Variants in CYYR1 observed in about 807,000 individuals in gnomAD.
The protein encoded by CYYR1 is cysteine and tyrosine-rich protein 1.
Under a neutral mutation model 15.2 loss-of-function variants are expected in CYYR1, and 14 were observed. The observed-to-expected ratio is 0.92, with a 90% CI of 0.61 to 1.44. The LOEUF is 1.44. Ranked by LOEUF, CYYR1 falls within the 40% of genes most tolerant of loss-of-function variation. The probability of loss-of-function intolerance (pLI) is 0.00; values close to 1 mark genes in which losing one functional copy is unlikely to be tolerated. For missense variants in CYYR1, 228 were observed against 209.5 expected, an observed-to-expected ratio of 1.09 and a Z score of -0.54; for synonymous variants, 80 against 77.4, an observed-to-expected ratio of 1.03 and a Z score of -0.18.
At chr21:26,520,111 G>T (rs2065782831) in intron 2 of CYYR1, among the ~76,000 whole-genome samples, 7 of 83,130 alleles carry the variant, frequency 8.4e-5, no homozygotes, top group African/African-American at 1.6e-4. Flanking sequence ...AAAAACCCAG[G>T]AGATATATAT....
intron 2 of CYYR1, among the ~76,000 whole-genome samples, chr21:26,491,359 A>G (rs1438313318): frequency 6.6e-6 from 1 of 152,148 alleles, no homozygotes; most frequent in Admixed American, 6.5e-5. Context: ...GAGTGGAAAT[A>G]AAAACTCACA....
At position 26,480,163 on chromosome 21, in the gene CYYR1, A is replaced by G. The variant is rs2065155151; in HGVS notation, c.334+109T>C. 4 of 1,116,734 alleles carry G rather than the reference A, an allele frequency of 3.6e-6. No individual in the cohort carries two copies. In the South Asian group the frequency reaches 5.3e-5, roughly 15 times the overall value. 69.2% of individuals were successfully genotyped at this position (1,116,734 alleles called of 1,614,324 possible). A position where few individuals can be genotyped will look rare whatever the true frequency, so the allele number is the denominator to read the frequency against. On this transcript the variant is annotated intron_variant, in intron 3 of 3. Transcript: ENST00000652641. ...ATCTACATGTACCTAGAAATACTCT[A>G]TGAAATTGAAGGTGGTTTCATTGAC...
At chr21:26,567,560 A>T (rs1652548560) in intron 1 of CYYR1, among the ~76,000 whole-genome samples, 1 of 152,190 alleles carries the variant, frequency 6.6e-6, no homozygotes, top group African/African-American at 2.4e-5. Flanking sequence ...TATGATGGAT[A>T]TATAAGTTTC....
chr21:26,529,344 CTATAAATTACCTTT>C (rs1341532098), intron 2 of CYYR1, among the ~76,000 whole-genome samples: 1 of 151,734 alleles, frequency 6.6e-6, no homozygotes, highest in Non-Finnish European at 1.5e-5. Context: ...GATAAACTGG[CTATAAATTACCTTT>C]TATAAACAGA....
intron 2 of CYYR1, among the ~76,000 whole-genome samples, chr21:26,493,810 A>C (rs1015745007): frequency 5.3e-5 from 8 of 152,162 alleles, no homozygotes; most frequent in Non-Finnish European, 8.8e-5. Flanking sequence ...TACTGGTCTG[A>C]CTTTAACCAC....
At chr21:26,483,412 C>CA (rs10533983) in intron 2 of CYYR1, 19,459 of 895,060 alleles carry the variant, frequency 0.022, 40 homozygotes, top group Middle Eastern at 0.026. Flanking sequence ...TCTCTCCTAT[C>CA]AAAAAAAAAA....
intron 3 of CYYR1, among the ~76,000 whole-genome samples, chr21:26,476,118 G>A (rs1390911077): frequency 1.3e-5 from 2 of 152,106 alleles, no homozygotes; most frequent in Admixed American, 1.3e-4. Flanking sequence ...TGATGCAAAT[G>A]GGGTATTTAT....
intron 3 of CYYR1, among the ~76,000 whole-genome samples, chr21:26,470,378 C>A (rs535323539): frequency 2.0e-5 from 3 of 152,198 alleles, no homozygotes; most frequent in Admixed American, 2.0e-4. Context: ...GGCTCTGTGT[C>A]CCCACCCAAA....
chr21:26,511,397 T>G (rs932953912), intron 2 of CYYR1, among the ~76,000 whole-genome samples: 2 of 152,226 alleles, frequency 1.3e-5, no homozygotes, highest in African/African-American at 2.4e-5. Context: ...GGAATTTTCC[T>G]GCCTAGTCAT....
At chr21:26,480,567 T>TC (rs2065165189) in intron 2 of CYYR1, 138 bp from the exon 3 acceptor site, 3 of 876,248 alleles carry the variant, frequency 3.4e-6, no homozygotes, top group Admixed American at 3.6e-5. Flanking sequence ...TTTCTTTTCT[T>TC]TTTTTTTTTA....
At chr21:26,538,945 T>C (rs910798557) in intron 2 of CYYR1, among the ~76,000 whole-genome samples, 4 of 152,192 alleles carry the variant, frequency 2.6e-5, no homozygotes, top group African/African-American at 9.6e-5. Flanking sequence ...CACCACCTAA[T>C]AAACTTTAGA....
intron 2 of CYYR1, among the ~76,000 whole-genome samples, chr21:26,560,518 G>C (rs1424825581): frequency 2.0e-5 from 3 of 152,220 alleles, no homozygotes; most frequent in Non-Finnish European, 4.4e-5. Context: ...TTAAAGGCAA[G>C]GGTTATAACA....
chr21:26,544,388 G>T (rs978689365), intron 2 of CYYR1, among the ~76,000 whole-genome samples: 1 of 152,132 alleles, frequency 6.6e-6, no homozygotes, highest in African/African-American at 2.4e-5. Flanking sequence ...AACAGAAATC[G>T]TAAAATAAGA....
chr21:26,483,590 C>T (rs561915026), intron 2 of CYYR1, among the ~76,000 whole-genome samples: 2 of 152,066 alleles, frequency 1.3e-5, no homozygotes, highest in Non-Finnish European at 2.9e-5. Flanking sequence ...GAGCATCAGC[C>T]TCACTGCCAA....
chr21:26,541,603 A>G (rs574679870), intron 2 of CYYR1, among the ~76,000 whole-genome samples: 1 of 152,354 alleles, frequency 6.6e-6, no homozygotes, highest in African/African-American at 2.4e-5. Context: ...CTTGCCCTAC[A>G]AGAAAAGCTA....
chr21:26,538,166 A>G (rs1332917465), intron 2 of CYYR1, among the ~76,000 whole-genome samples: 14 of 152,158 alleles, frequency 9.2e-5, no homozygotes, highest in Non-Finnish European at 2.1e-4. Flanking sequence ...CTTAATTCCA[A>G]CAACTTGTCA....
intron 3 of CYYR1, among the ~76,000 whole-genome samples, chr21:26,475,807 C>A (rs2065095536): frequency 6.6e-6 from 1 of 152,144 alleles, no homozygotes; most frequent in South Asian, 2.1e-4. Context: ...GTACTAAAAA[C>A]GTCTGCCTGG....
At chr21:26,520,117 T>TAC (rs1726747594) in intron 2 of CYYR1, among the ~76,000 whole-genome samples, 1 of 57,274 alleles carries the variant, frequency 1.7e-5, no homozygotes, top group Non-Finnish European at 3.6e-5. Flanking sequence ...CCAGGAGATA[T>TAC]ATATATATAT....
At position 26,468,472 on chromosome 21, in the gene CYYR1, T is replaced by C. The variant is rs151171541; in HGVS notation, c.*29A>G. ...ATTTTATTCCAGGCAAGATCGCCCA[T>C]TGGCACATGTTCTGTTCTGGGAGAT... On this transcript the variant is annotated 3_prime_UTR_variant, in exon 4 of 4. Coordinates refer to ENST00000652641, the MANE Select transcript of CYYR1 (RefSeq NM_001320768.2). 160 of 1,381,834 alleles carry C rather than the reference T, an allele frequency of 1.2e-4. 1 individual carries two copies. In the African/African-American group the frequency reaches 2.0e-3, roughly 18 times the overall value. 85.6% of individuals were successfully genotyped at this position (1,381,834 alleles called of 1,614,324 possible).
Sources: gnomAD v4.1 joint callset for allele counts (sites outside exome capture counted in the v4.1 genomes callset) on GRCh38, gnomAD v4.1.1 for gene constraint, MANE v1.5 for transcripts, NCBI Gene and HGNC (gene_info 2026-07-23, HGNC 2026-07-21) for gene names.